The following INO80D variants were observed in gnomAD, a reference collection of about 807,000 sequenced individuals.
The protein encoded by INO80D is INO80 complex subunit D.
In INO80D, 21 loss-of-function variants were observed where a neutral mutation model predicts 87.6. That is an observed-to-expected ratio of 0.24 (90% CI 0.17 to 0.35). The LOEUF (loss-of-function observed/expected upper bound fraction) is 0.35. Among genes scored for constraint, INO80D ranks in the 10% least tolerant of loss-of-function variants. The probability of loss-of-function intolerance (pLI) is 1.00; values close to 1 mark genes in which losing one functional copy is unlikely to be tolerated. For missense variants in INO80D, 982 were observed against 1,280.7 expected, an observed-to-expected ratio of 0.77 and a Z score of 3.56; for synonymous variants, 440 against 491.0, an observed-to-expected ratio of 0.90 and a Z score of 1.37.
intron 6 of INO80D, among the ~76,000 whole-genome samples, chr2:206,024,407 T>A (rs779401626): frequency 2.0e-5 from 3 of 152,022 alleles, no homozygotes; most frequent in Non-Finnish European, 4.4e-5. Context: ...CATAAGTCTC[T>A]GAGTAAGCTG....
rs567526396 is a variant in INO80D at position 205,995,021 on chromosome 2, T to C, written c.*9347A>G. 10 of 152,274 alleles carry C rather than the reference T, an allele frequency of 6.6e-5. No homozygotes were observed. Among genetic ancestry groups the C allele is most frequent in the African/African-American group, 2.2e-4 (9 of 41,562 alleles). 9.4% of individuals were successfully genotyped at this position (152,274 alleles called of 1,614,324 possible). On this transcript the variant is annotated 3_prime_UTR_variant, in exon 11 of 11. Transcript: ENST00000403263. ...AAGGCAAAATAACAATTAGGTGATA[T>C]ATTTCCCTGCAGCATGGGAGTAGTT...
At position 206,022,894 on chromosome 2, in the gene INO80D, C is replaced by T. The variant is rs540934975; in HGVS notation, c.1299-3049G>A. ...ACACCCAGCCACCATGCCTGGCCAA[C>T]GAACTCTATTTTAAAGGATCCAGGC... On this transcript the variant is annotated intron_variant, in intron 6 of 10. Coordinates refer to ENST00000403263, the MANE Select transcript of INO80D (RefSeq NM_017759.5). Among the ~76,000 whole-genome samples the T allele has an allele frequency of 9.2e-5, 14 of 152,122 alleles. No individual in the cohort carries two copies. The South Asian group carries it at 2.9e-3, about 32-fold the overall frequency.
chr2:206,050,809 A>T (rs1339517049), intron 4 of INO80D, among the ~76,000 whole-genome samples: 1 of 152,050 alleles, frequency 6.6e-6, no homozygotes, highest in Non-Finnish European at 1.5e-5. Flanking sequence ...CTCTACTAAA[A>T]ACACAAAAAA....
chr2:206,075,065 G>T (rs1690076406), intron 1 of INO80D, among the ~76,000 whole-genome samples: 1 of 132,514 alleles, frequency 7.5e-6, no homozygotes, highest in Admixed American at 7.6e-5. Flanking sequence ...ATTCCTCTTT[G>T]ATATTATACA....
chr2:206,005,649 G>T (rs1688003962), intron 10 of INO80D, 116 bp from the exon 11 acceptor site: 1 of 860,962 alleles, frequency 1.2e-6, no homozygotes, highest in Non-Finnish European at 1.7e-6. Context: ...CTCTTGAAAA[G>T]AAAAGTTTCC....
chr2:206,068,078 G>C (rs966454392), intron 1 of INO80D, among the ~76,000 whole-genome samples: 1 of 151,994 alleles, frequency 6.6e-6, no homozygotes, highest in Non-Finnish European at 1.5e-5. Flanking sequence ...AACTTTTGAG[G>C]CACTGTGTTG....
chr2:206,013,291 C>T (rs758492290), intron 8 of INO80D, among the ~76,000 whole-genome samples: 2 of 152,166 alleles, frequency 1.3e-5, no homozygotes, highest in Non-Finnish European at 2.9e-5. Context: ...CGGTGGCTTA[C>T]GCCTGTAATC....
intron 1 of INO80D, among the ~76,000 whole-genome samples, chr2:206,080,866 G>A (rs1453210258): frequency 8.2e-6 from 1 of 122,666 alleles, no homozygotes; most frequent in African/African-American, 3.2e-5. Context: ...TCGTGCCACT[G>A]CACTCCAGCC....
chr2:206,052,859 C>T (rs925801939), intron 4 of INO80D, among the ~76,000 whole-genome samples: 8 of 151,826 alleles, frequency 5.3e-5, no homozygotes, highest in African/African-American at 1.9e-4. Context: ...ATAGATACAA[C>T]CCATACATAA....
intron 1 of INO80D, among the ~76,000 whole-genome samples, chr2:206,072,594 A>C (rs1171669476): frequency 6.6e-6 from 1 of 151,946 alleles, no homozygotes; most frequent in Non-Finnish European, 1.5e-5. Flanking sequence ...ATATATTTTG[A>C]TTACAAGGTT....
At chr2:206,033,076 C>T (rs996373552) in intron 5 of INO80D, among the ~76,000 whole-genome samples, 1 of 152,182 alleles carries the variant, frequency 6.6e-6, no homozygotes, top group African/African-American at 2.4e-5. Flanking sequence ...CAACTATCTG[C>T]TGCCTTCAGG....
At chr2:206,038,237 T>C (rs565798894) in intron 5 of INO80D, among the ~76,000 whole-genome samples, 5 of 152,314 alleles carry the variant, frequency 3.3e-5, no homozygotes, top group Non-Finnish European at 7.4e-5. Flanking sequence ...GTACAAATAA[T>C]ATGGAAATAA....
chr2:206,039,671 G>A (rs1018427025), intron 5 of INO80D, among the ~76,000 whole-genome samples: 4 of 151,280 alleles, frequency 2.6e-5, no homozygotes, highest in Admixed American at 6.6e-5. Flanking sequence ...TTAGCTGGGC[G>A]TGGTGGCGCA....
intron 1 of INO80D, among the ~76,000 whole-genome samples, chr2:206,070,347 C>A (rs1419211099): frequency 1.3e-5 from 2 of 151,768 alleles, no homozygotes; most frequent in African/African-American, 2.4e-5. Context: ...TTGCTTGAGC[C>A]TGAGAGGTCG....
chr2:206,065,177 C>A (rs1226702621), intron 1 of INO80D, among the ~76,000 whole-genome samples: 1 of 152,096 alleles, frequency 6.6e-6, no homozygotes, highest in East Asian at 1.9e-4. Context: ...GAGTTAAGAT[C>A]TGAAAAGTAC....
Position 205,994,800 on chromosome 2 carries a change from G to A in INO80D, c.*9568C>T, listed in dbSNP as rs1687778813. On this transcript the variant is annotated 3_prime_UTR_variant, in exon 11 of 11. Transcript: ENST00000403263. ...CTTGCATTCAGTGTGTCAAATTGAT[G>A]TACTAATGAAAAATACCTAAACTGT... 1.3e-5 allele frequency: 2 copies of A among 149,098 alleles called. No individual in the cohort carries two copies. The highest frequency in any genetic ancestry group is 4.2e-4 in the South Asian group (2 of 4,744). The allele number at this position is 149,098 out of a possible 1,614,324, so 9.2% of individuals were successfully genotyped here.
chr2:206,078,506 C>T (rs1209833960), intron 1 of INO80D, among the ~76,000 whole-genome samples: 2 of 152,142 alleles, frequency 1.3e-5, no homozygotes, highest in African/African-American at 2.4e-5. Context: ...AACTTTTGAA[C>T]ATATGAAGGC....
chr2:206,078,550 C>T (rs1013108487), intron 1 of INO80D, among the ~76,000 whole-genome samples: 1 of 152,198 alleles, frequency 6.6e-6, no homozygotes, highest in East Asian at 1.9e-4. Context: ...AATTCCAACA[C>T]TATGGCAGGC....
At chr2:206,031,086 A>G (rs1688753398) in intron 5 of INO80D, among the ~76,000 whole-genome samples, 1 of 151,764 alleles carries the variant, frequency 6.6e-6, no homozygotes, top group African/African-American at 2.4e-5. Context: ...TAAAACAAGG[A>G]ACTAAAAATA....
Sources: gnomAD v4.1 joint callset for allele counts (sites outside exome capture counted in the v4.1 genomes callset) on GRCh38, gnomAD v4.1.1 for gene constraint, MANE v1.5 for transcripts, NCBI Gene and HGNC (gene_info 2026-07-23, HGNC 2026-07-21) for gene names.